The following LDLRAD3 variants were observed in gnomAD, a reference collection of about 807,000 sequenced individuals.
LDLRAD3 encodes the protein low-density lipoprotein receptor class A domain-containing protein 3.
LDLRAD3 carries 20 observed loss-of-function variants against 29.4 expected under a neutral mutation model. That is an observed-to-expected ratio of 0.68 (90% CI 0.48 to 0.99). The LOEUF (loss-of-function observed/expected upper bound fraction) is 0.99. LDLRAD3 is among the 50% of genes least tolerant of loss of function. The pLI, the probability that LDLRAD3 is intolerant of heterozygous loss-of-function variation, is 0.00. For synonymous variants in LDLRAD3, 157 were observed against 192.7 expected (o/e 0.81, Z 1.53); for missense variants, 420 against 454.3 (o/e 0.92, Z 0.69).
At chr11:36,058,338 C>T (rs952458168) in intron 2 of LDLRAD3, among the ~76,000 whole-genome samples, 3 of 152,340 alleles carry the variant, frequency 2.0e-5, no homozygotes, top group South Asian at 2.1e-4. Context: ...TCTTCCTTCA[C>T]GCTTCTGGTC....
chr11:36,107,648 T>A lies in LDLRAD3; in HGVS notation c.454+9187T>A, dbSNP rs551184076. On this transcript the variant is annotated intron_variant, in intron 4 of 5. Transcript: ENST00000315571. The stretch of plus-strand genomic sequence containing the variant: ...ACAAATACTTGCCATTGTGTTACAG[T>A]TGCCTACAGTGTTCAGTACAGTAAC... Among the ~76,000 whole-genome samples, 4 of 152,344 alleles carry A rather than the reference T, an allele frequency of 2.6e-5. No homozygotes were observed. In the South Asian group the frequency reaches 8.3e-4, roughly 32 times the overall value.
At chr11:36,209,491 C>T (rs1250164394) in intron 4 of LDLRAD3, among the ~76,000 whole-genome samples, 1 of 151,402 alleles carries the variant, frequency 6.6e-6, no homozygotes, top group Non-Finnish European at 1.5e-5. Context: ...TCCTGAGTAG[C>T]TGGGATTACA....
intron 4 of LDLRAD3, among the ~76,000 whole-genome samples, chr11:36,190,793 G>A (rs897990184): frequency 2.6e-5 from 4 of 152,020 alleles, no homozygotes; most frequent in African/African-American, 9.7e-5. Context: ...AGAACATTGG[G>A]CAAAAAGAAG....
At chr11:35,953,920 A>G (rs1480012157) in intron 1 of LDLRAD3, among the ~76,000 whole-genome samples, 1 of 152,244 alleles carries the variant, frequency 6.6e-6, no homozygotes, top group East Asian at 1.9e-4. Flanking sequence ...AGCTGGCAGG[A>G]ACCTGGGGAA....
intron 1 of LDLRAD3, among the ~76,000 whole-genome samples, chr11:36,015,662 GC>G (rs1056795587): frequency 7.3e-6 from 1 of 137,374 alleles, no homozygotes; most frequent in African/African-American, 2.8e-5. Flanking sequence ...TCCTCCCCCT[GC>G]CCCCCGCCAC....
Position 36,198,961 on chromosome 11 carries a change from C to T in LDLRAD3, c.455-28124C>T, listed in dbSNP as rs565674806. 1.6e-4 allele frequency among the ~76,000 whole-genome samples: 25 copies of T among 151,974 alleles called. 1 individual carries two copies. The highest frequency in any genetic ancestry group is 8.3e-4 in the South Asian group (4 of 4,814). On this transcript the variant is annotated intron_variant, in intron 4 of 5. Transcript: ENST00000315571. ...TGTCGCCCAGGCTGGAATGGAATGG[C>T]GCGATCTTGGCTCACTGCAAGCTCC...
At chr11:35,974,447 C>G (rs1158485156) in intron 1 of LDLRAD3, among the ~76,000 whole-genome samples, 1 of 152,312 alleles carries the variant, frequency 6.6e-6, no homozygotes, top group East Asian at 1.9e-4. Context: ...CACTTACTTA[C>G]TATGTCACAG....
At chr11:36,216,335 C>A (rs926874360) in intron 4 of LDLRAD3, among the ~76,000 whole-genome samples, 1 of 152,336 alleles carries the variant, frequency 6.6e-6, no homozygotes, top group Admixed American at 6.5e-5. Context: ...CTGTCCATCT[C>A]AGCCTAGCAC....
At chr11:36,030,025 C>A (rs1852215954) in intron 1 of LDLRAD3, among the ~76,000 whole-genome samples, 1 of 152,232 alleles carries the variant, frequency 6.6e-6, no homozygotes, top group Admixed American at 6.5e-5. Context: ...GTTATACCTT[C>A]TCACCAATTT....
chr11:36,129,413 C>A (rs1041905628), intron 4 of LDLRAD3, among the ~76,000 whole-genome samples: 1 of 152,154 alleles, frequency 6.6e-6, no homozygotes, highest in African/African-American at 2.4e-5. Flanking sequence ...CTCCAATAGC[C>A]TGTGCCAACC....
chr11:36,208,771 GGA>G (rs1855244698), intron 4 of LDLRAD3, among the ~76,000 whole-genome samples: 1 of 98,796 alleles, frequency 1.0e-5, no homozygotes, highest in Non-Finnish European at 1.9e-5. Flanking sequence ...GAAATAGGGG[GGA>G]AAAAACACCA....
At chr11:35,956,292 C>T (rs745627580) in intron 1 of LDLRAD3, among the ~76,000 whole-genome samples, 1 of 152,106 alleles carries the variant, frequency 6.6e-6, no homozygotes, top group Non-Finnish European at 1.5e-5. Context: ...TGGAGACCAG[C>T]CTGTGCAACA....
intron 2 of LDLRAD3, among the ~76,000 whole-genome samples, chr11:36,076,351 C>T (rs1314444209): frequency 2.6e-5 from 4 of 151,934 alleles, no homozygotes; most frequent in East Asian, 1.9e-4. Context: ...GGTTCAGTTT[C>T]AATGAACCAA....
At chr11:36,221,466 T>G (rs1289925729) in intron 4 of LDLRAD3, among the ~76,000 whole-genome samples, 1 of 151,772 alleles carries the variant, frequency 6.6e-6, no homozygotes. Flanking sequence ...CAGTGAGGCC[T>G]GAACCCCAAG....
At chr11:36,088,182 C>T (rs951107535) in intron 3 of LDLRAD3, among the ~76,000 whole-genome samples, 1 of 152,052 alleles carries the variant, frequency 6.6e-6, no homozygotes, top group Non-Finnish European at 1.5e-5. Flanking sequence ...TCTTTTAGAG[C>T]TTCACAATGC....
At chr11:36,017,017 G>A (rs1347698762) in intron 1 of LDLRAD3, among the ~76,000 whole-genome samples, 2 of 152,200 alleles carry the variant, frequency 1.3e-5, no homozygotes, top group Non-Finnish European at 1.5e-5. Context: ...TTTGGTAAGC[G>A]ATGATACCAA....
intron 4 of LDLRAD3, among the ~76,000 whole-genome samples, chr11:36,133,215 T>TTTTTTTC (rs1554967263): frequency 1.3e-5 from 2 of 151,542 alleles, no homozygotes; most frequent in African/African-American, 4.8e-5. Flanking sequence ...TTCTTTTTTT[T>TTTTTTTC]AGTTGAGATG....
intron 2 of LDLRAD3, among the ~76,000 whole-genome samples, chr11:36,075,820 A>G (rs1167110171): frequency 6.6e-6 from 1 of 151,964 alleles, no homozygotes; most frequent in African/African-American, 2.4e-5. Flanking sequence ...TATTTATTTT[A>G]TTCTCTGTGT....
chr11:36,053,675 C>T (rs966806027), intron 2 of LDLRAD3, among the ~76,000 whole-genome samples: 6 of 152,300 alleles, frequency 3.9e-5, no homozygotes, highest in East Asian at 3.9e-4. Context: ...ATCCTCTTCC[C>T]GTGACCCCAG....
Sources: gnomAD v4.1 joint callset for allele counts (sites outside exome capture counted in the v4.1 genomes callset) on GRCh38, gnomAD v4.1.1 for gene constraint, MANE v1.5 for transcripts, NCBI Gene and HGNC (gene_info 2026-07-23, HGNC 2026-07-21) for gene names.